The following NCKAP5 variants were observed in gnomAD, a reference collection of about 807,000 sequenced individuals.
NCKAP5 encodes nck-associated protein 5.
In NCKAP5, 92 loss-of-function variants were observed where a neutral mutation model predicts 167.0. The observed-to-expected ratio is 0.55, with a 90% CI of 0.47 to 0.66. The LOEUF (loss-of-function observed/expected upper bound fraction) is 0.66, where lower values mean the gene tolerates loss of function less well. NCKAP5 is among the 30% of genes least tolerant of loss of function. The pLI, the probability that NCKAP5 is intolerant of heterozygous loss-of-function variation, is 0.00. For missense variants in NCKAP5, 2,378 were observed against 2,315.0 expected, an observed-to-expected ratio of 1.03 and a Z score of -0.56; for synonymous variants, 891 against 877.4, an observed-to-expected ratio of 1.02 and a Z score of -0.27.
At chr2:132,904,177 A>C (rs1693834087) in intron 8 of NCKAP5, among the ~76,000 whole-genome samples, 3 of 151,978 alleles carry the variant, frequency 2.0e-5, no homozygotes, top group Non-Finnish European at 2.9e-5. Flanking sequence ...AGTCCCAGCT[A>C]CTTGGGAGGC....
At chr2:133,311,202 G>C (rs979413288) in intron 3 of NCKAP5, among the ~76,000 whole-genome samples, 3 of 152,140 alleles carry the variant, frequency 2.0e-5, no homozygotes, top group Non-Finnish European at 4.4e-5. Context: ...TATAAATCAG[G>C]GTTCCCACCA....
intron 3 of NCKAP5, among the ~76,000 whole-genome samples, chr2:133,426,320 C>T (rs992178900): frequency 6.0e-5 from 9 of 151,162 alleles, no homozygotes; most frequent in African/African-American, 1.9e-4. Context: ...TGGAGAACAC[C>T]TCATATCAAA....
chr2:133,546,651 C>A (rs550780746), intron 2 of NCKAP5, among the ~76,000 whole-genome samples: 1 of 152,072 alleles, frequency 6.6e-6, no homozygotes, highest in African/African-American at 2.4e-5. Flanking sequence ...TTCCCAGCAC[C>A]AGCAGGCAAA....
the NCKAP5 span, among the ~76,000 whole-genome samples, chr2:133,670,862 T>C: frequency 2.0e-5 from 3 of 152,180 alleles, no homozygotes; most frequent in Non-Finnish European, 4.4e-5. Context: ...GGTGTCAGGT[T>C]ATCTGCAACA....
intron 3 of NCKAP5, among the ~76,000 whole-genome samples, chr2:133,335,568 T>A (rs1034709655): frequency 2.0e-5 from 3 of 152,172 alleles, no homozygotes; most frequent in African/African-American, 7.2e-5. Flanking sequence ...ACTTGTTCTA[T>A]AAAAAATGTA....
At chr2:133,280,420 T>C (rs1309158277) in intron 4 of NCKAP5, among the ~76,000 whole-genome samples, 1 of 152,186 alleles carries the variant, frequency 6.6e-6, no homozygotes, top group African/African-American at 2.4e-5. Context: ...ATTTATTTAT[T>C]TTTTGAGACA....
intron 8 of NCKAP5, among the ~76,000 whole-genome samples, chr2:132,957,858 C>T (rs77352577): frequency 9.7e-4 from 147 of 152,288 alleles, no homozygotes; most frequent in African/African-American, 3.4e-3. Context: ...AGAATCTAGA[C>T]AGGCAGGCCT....
At position 133,051,278 on chromosome 2, in the gene NCKAP5, C is replaced by T. The variant is rs1165285713; in HGVS notation, c.342-57039G>A. ...TCTTTAATTAAGCAGCCCTAACGACCTTACTTTGTAGACAGCTGGCTTCAT... is the reference window on the plus strand; with the variant it reads ...TCTTTAATTAAGCAGCCCTAACGACTTTACTTTGTAGACAGCTGGCTTCAT... On this transcript the variant is annotated intron_variant, in intron 6 of 19. Coordinates refer to ENST00000409261, the MANE Select transcript of NCKAP5 (RefSeq NM_207363.3). 3.9e-5 allele frequency among the ~76,000 whole-genome samples: 6 copies of T among 152,246 alleles called. No homozygotes were observed. The East Asian group carries it at 1.2e-3, about 29-fold the overall frequency.
At chr2:132,867,889 T>G (rs1690486305) in intron 10 of NCKAP5, among the ~76,000 whole-genome samples, 1 of 152,190 alleles carries the variant, frequency 6.6e-6, no homozygotes, top group African/African-American at 2.4e-5. Context: ...TGTACTCAAA[T>G]CTATTTATGC....
chr2:132,678,548 T>C (rs1173714227), intron 19 of NCKAP5, among the ~76,000 whole-genome samples: 11 of 152,262 alleles, frequency 7.2e-5, no homozygotes. Context: ...TGCCCATGGA[T>C]CAAGAAAATA....
At chr2:133,541,187 CAT>C (rs987826961) in intron 2 of NCKAP5, among the ~76,000 whole-genome samples, 33 of 151,486 alleles carry the variant, frequency 2.2e-4, no homozygotes, top group African/African-American at 7.0e-4. Flanking sequence ...AAATAAAAAA[CAT>C]AAAAAATTAA....
Position 133,328,489 on chromosome 2 carries a change from G to A in NCKAP5, c.70-25379C>T, listed in dbSNP as rs112095921. 9.9e-4 allele frequency among the ~76,000 whole-genome samples: 151 copies of A among 152,334 alleles called. 2 individuals are homozygous for A. The highest frequency in any genetic ancestry group is 3.5e-3 in the African/African-American group (145 of 41,574). ...CAGAGGCAGAAGGAGAAGTAGGCTG[G>A]AAGTAACTAACAATTTCTGACTTGT... On this transcript the variant is annotated intron_variant, in intron 3 of 19. Coordinates refer to ENST00000409261, the MANE Select transcript of NCKAP5 (RefSeq NM_207363.3).
intron 6 of NCKAP5, among the ~76,000 whole-genome samples, chr2:133,084,957 C>A (rs1192447741): frequency 6.6e-6 from 1 of 152,110 alleles, no homozygotes; most frequent in African/African-American, 2.4e-5. Flanking sequence ...ATTAAAGGGC[C>A]TGATGTTTAA....
intron 6 of NCKAP5, among the ~76,000 whole-genome samples, chr2:133,032,162 G>A (rs1310243754): frequency 2.0e-5 from 3 of 152,100 alleles, no homozygotes; most frequent in Non-Finnish European, 4.4e-5. Context: ...CACCAAGCAG[G>A]CTCTTGGGTT....
the NCKAP5 span, among the ~76,000 whole-genome samples, chr2:133,669,506 GC>G: frequency 6.6e-6 from 1 of 152,098 alleles, no homozygotes; most frequent in Admixed American, 6.6e-5. Flanking sequence ...TCCACCACTT[GC>G]CAGGTCCTCT....
intron 2 of NCKAP5, among the ~76,000 whole-genome samples, chr2:133,526,375 A>T (rs1380992221): frequency 6.6e-6 from 1 of 151,954 alleles, no homozygotes; most frequent in East Asian, 1.9e-4. Context: ...GAGACCTAAA[A>T]TGTAAGAGAG....
At chr2:132,814,141 T>G (rs1049699429) in intron 11 of NCKAP5, among the ~76,000 whole-genome samples, 4 of 152,244 alleles carry the variant, frequency 2.6e-5, no homozygotes, top group African/African-American at 9.6e-5. Flanking sequence ...CTTCCCTTGA[T>G]AGTTAATACT....
chr2:132,797,574 A>G (rs1164945955), intron 11 of NCKAP5, among the ~76,000 whole-genome samples: 1 of 152,214 alleles, frequency 6.6e-6, no homozygotes, highest in Non-Finnish European at 1.5e-5. Context: ...ATGCTAAAAA[A>G]AAATCTAATT....
chr2:132,864,467 C>T (rs1045698249), intron 10 of NCKAP5, among the ~76,000 whole-genome samples: 1 of 152,096 alleles, frequency 6.6e-6, no homozygotes, highest in Non-Finnish European at 1.5e-5. Flanking sequence ...TACAGCTGAG[C>T]AATGTGATAC....
Sources: gnomAD v4.1 joint callset for allele counts (sites outside exome capture counted in the v4.1 genomes callset) on GRCh38, gnomAD v4.1.1 for gene constraint, MANE v1.5 for transcripts, NCBI Gene and HGNC (gene_info 2026-07-23, HGNC 2026-07-21) for gene names.